HPS4: variants seen among roughly 807,000 people sequenced by gnomAD.
The protein encoded by HPS4 is HPS4 biogenesis of lysosomal organelles complex 3 subunit 2, also known as BLOC-3 complex member HPS4.
In HPS4, 44 loss-of-function variants were observed where a neutral mutation model predicts 70.3. The observed-to-expected ratio is 0.63, with a 90% confidence interval of 0.49 to 0.80. The LOEUF is 0.80. HPS4 is among the 30% of genes least tolerant of loss of function. The probability of loss-of-function intolerance (pLI) is 0.00; values close to 1 mark genes in which losing one functional copy is unlikely to be tolerated. For synonymous variants in HPS4, 377 were observed against 355.9 expected (o/e 1.06, Z -0.67); for missense variants, 873 against 884.4 (o/e 0.99, Z 0.16).
intron 7 of HPS4, among the ~76,000 whole-genome samples, chr22:26,470,113 T>C (rs1440675582): frequency 2.6e-5 from 4 of 152,260 alleles, no homozygotes; most frequent in African/African-American, 7.2e-5. Context: ...TGGCCCTGCC[T>C]GCCCTGGGCT....
chr22:26,466,384 A>G (rs2088628533), intron 8 of HPS4, 122 bp from the exon 9 acceptor site: 1 of 1,072,170 alleles, frequency 9.3e-7, no homozygotes, highest in African/African-American at 1.6e-5. Flanking sequence ...GCTTGTCCCA[A>G]CCACATGCTA....
chr22:26,456,884 C>CA (rs1358264296), intron 13 of HPS4, among the ~76,000 whole-genome samples: 1 of 152,060 alleles, frequency 6.6e-6, no homozygotes, highest in Non-Finnish European at 1.5e-5. Flanking sequence ...AAGAAAAAAA[C>CA]AAATTCGGTT....
intron 13 of HPS4, among the ~76,000 whole-genome samples, chr22:26,455,221 C>T (rs1444105625): frequency 1.3e-5 from 2 of 152,082 alleles, no homozygotes; most frequent in African/African-American, 4.8e-5. Flanking sequence ...ACCCAGCCAA[C>T]CCATTACTGG....
In HPS4 at chr22:26,465,523, A is replaced by G; in HGVS notation, c.735T>C (p.Ile245=). 6.2e-7 allele frequency: 1 copy of G among 1,614,150 alleles called. No homozygotes were observed. Among genetic ancestry groups the G allele is most frequent in the South Asian group, 1.1e-5 (1 of 91,078 alleles). The part of the protein sequence containing the change: ...HGAALPPNVQ[I]IPVFVTKEEA... ...CCTCTTTGGTCACAAAAACAGGGATAATCTGGACATTCGGGGGCAATGCCG... is the reference window on the plus strand; with the variant it reads ...CCTCTTTGGTCACAAAAACAGGGATGATCTGGACATTCGGGGGCAATGCCG... Residue 245 remains isoleucine, a synonymous_variant, in exon 10 of 14, where the codon ATT becomes ATC. Coordinates refer to ENST00000398145, the MANE Select transcript of HPS4 (RefSeq NM_022081.6).
In HPS4 at chr22:26,451,787, TCTAG is replaced by T. The variant is rs2085216307; in HGVS notation, c.*1442_*1445del. ...TAGCTTCGGATAGGATCCTCTTCCA[TCTAG>T]GCAGATGGGATCCAAGAGACAGCAG... On this transcript the variant is annotated 3_prime_UTR_variant, in exon 14 of 14. Transcript: ENST00000398145. 6.6e-6 allele frequency: 1 copy of T among 152,390 alleles called. No homozygotes were observed. The highest frequency in any genetic ancestry group is 2.1e-4 in the South Asian group (1 of 4,830). The allele number at this position is 152,390 out of a possible 1,614,324, so 9.4% of individuals were successfully genotyped here.
rs2088370570 is a variant in HPS4, at chr22:26,465,506, G to A, written c.752C>T (p.Thr251Ile). 6.2e-7 allele frequency: 1 copy of A among 1,614,130 alleles called. No individual in the cohort carries two copies. Among genetic ancestry groups the A allele is most frequent in the Non-Finnish European group, 8.5e-7 (1 of 1,179,984 alleles). ...GTGGAGACTAATGGCTTCCTCTTTG[G>A]TCACAAAAACAGGGATAATCTGGAC... ...PNVQIIPVFV[T>I]KEEAISLHEF... The change falls in exon 10 of 14, where the codon ACC (threonine) becomes ATC (isoleucine). Residue 251 changes from threonine (T) to isoleucine (I), a missense_variant. By Grantham distance (89) the Thr-to-Ile change is moderately conservative. Coordinates refer to ENST00000398145, the MANE Select transcript of HPS4 (RefSeq NM_022081.6).
At chr22:26,463,136 A>G (rs1337725635) in intron 11 of HPS4, among the ~76,000 whole-genome samples, 1 of 152,186 alleles carries the variant, frequency 6.6e-6, no homozygotes, top group Non-Finnish European at 1.5e-5. Context: ...TGCCTACTAA[A>G]GCAAGGCTGT....
At chr22:26,461,057 C>T (rs1405493967) in intron 11 of HPS4, among the ~76,000 whole-genome samples, 1 of 152,226 alleles carries the variant, frequency 6.6e-6, no homozygotes, top group East Asian at 1.9e-4. Flanking sequence ...ATCCTCACAA[C>T]AGCCCTAGGC....
chr22:26,470,339 G>A (rs2089579690), intron 7 of HPS4, among the ~76,000 whole-genome samples: 1 of 152,246 alleles, frequency 6.6e-6, no homozygotes, highest in Non-Finnish European at 1.5e-5. Context: ...GCACACCAGG[G>A]TCTCTGGGCA....
chr22:26,450,724 G>A (rs5752329), downstream of HPS4, among the ~76,000 whole-genome samples: 131,632 of 152,178 alleles, frequency 0.86, 57,529 homozygotes, highest in Non-Finnish European at 0.93. Flanking sequence ...GTTCTCGTGA[G>A]ATCTGATGGT....
At chr22:26,457,772 G>A (rs5761538) in intron 13 of HPS4, 87 bp downstream of exon 13, 4 of 940,520 alleles carry the variant, frequency 4.3e-6, no homozygotes, top group Non-Finnish European at 6.9e-6. Flanking sequence ...CATCTACTTA[G>A]GAATAAGGCG....
rs752539164 is a variant in HPS4, at chr22:26,459,711, C to G, written c.1714-1134G>C. 5.9e-5 allele frequency among the ~76,000 whole-genome samples: 9 copies of G among 152,216 alleles called. No individual in the cohort carries two copies. In the South Asian group the frequency reaches 6.2e-4, roughly 10 times the overall value. ...GACCAGGAGCAAGTTACCAAGTTTTCTGTGCCTCATTTTTCTAGTCAACTG... is the reference window on the plus strand; with the variant it reads ...GACCAGGAGCAAGTTACCAAGTTTTGTGTGCCTCATTTTTCTAGTCAACTG... On this transcript the variant is annotated intron_variant, in intron 11 of 13. Coordinates refer to ENST00000398145, the MANE Select transcript of HPS4 (RefSeq NM_022081.6).
chr22:26,454,418 T>C (rs1281004677), intron 13 of HPS4, among the ~76,000 whole-genome samples: 1 of 152,244 alleles, frequency 6.6e-6, no homozygotes, highest in Admixed American at 6.5e-5. Flanking sequence ...ACAGTGTTTG[T>C]TGCAACAGTA....
Position 26,481,743 on chromosome 22 carries a change from G to A in HPS4, c.20C>T (p.Thr7Ile). MATSTS[T>I]EAKSASWWNY... ...TCACCACGAGGCTGACTTTGCCTCT[G>A]TGGAGGTAGAGGTGGCCATCTACTG... The change falls in exon 2 of 14, where the codon ACA becomes ATA. Residue 7 changes from threonine (T) to isoleucine (I), a missense_variant. Coordinates refer to ENST00000398145, the MANE Select transcript of HPS4 (RefSeq NM_022081.6). The A allele has an allele frequency of 6.2e-7, 1 of 1,614,164 alleles. No homozygotes were observed. The highest frequency in any genetic ancestry group is 8.5e-7 in the Non-Finnish European group (1 of 1,179,980).
intron 4 of HPS4, 33 bp from the exon 5 acceptor site, chr22:26,472,972 T>C (rs201500475): frequency 5.0e-6 from 8 of 1,587,276 alleles, no homozygotes; most frequent in East Asian, 4.5e-5. Context: ...GACAAGCATC[T>C]TCCTTCTCTT....
At chr22:26,479,579 C>T (rs2091045376) in intron 2 of HPS4, 9 of 1,367,020 alleles carry the variant, frequency 6.6e-6, no homozygotes, top group Non-Finnish European at 8.5e-6. Context: ...GCCGTTAGAC[C>T]ATCTGCCGGA....
Position 26,481,860 on chromosome 22 carries a change from G to T in HPS4, c.-98C>A. The T allele has an allele frequency of 8.3e-7, 1 of 1,199,102 alleles. No individual in the cohort carries two copies. Among genetic ancestry groups the T allele is most frequent in the Non-Finnish European group, 1.2e-6 (1 of 803,738 alleles). 74.3% of individuals were successfully genotyped at this position (1,199,102 alleles called of 1,614,324 possible). ...GACCGTTCCTCTATCCCCCAATCCA[G>T]TGAATCTGGACGTGGTAGGTTTCAG... On this transcript the variant is annotated 5_prime_UTR_variant, in exon 2 of 14. It adds an upstream start codon to the 5' untranslated region. Transcript: ENST00000398145.
At chr22:26,472,177 T>C in intron 6 of HPS4, 125 bp downstream of exon 6, 2 of 764,890 alleles carry the variant, frequency 2.6e-6, no homozygotes, top group East Asian at 2.5e-5. Context: ...TGCCGTGTCA[T>C]GGCCCTGCCT....
intron 2 of HPS4, among the ~76,000 whole-genome samples, chr22:26,480,839 G>A (rs528365702): frequency 9.6e-4 from 146 of 152,232 alleles, no homozygotes; most frequent in Middle Eastern, 6.8e-3. Context: ...GATCACTTGA[G>A]CCTGGGGGAT....
Sources: gnomAD v4.1 joint callset for allele counts (sites outside exome capture counted in the v4.1 genomes callset) on GRCh38, gnomAD v4.1.1 for gene constraint, MANE v1.5 for transcripts, NCBI Gene and HGNC (gene_info 2026-07-23, HGNC 2026-07-21) for gene names.